The following CRHBP variants were observed in gnomAD, a reference collection of about 807,000 sequenced individuals.
The protein encoded by CRHBP is corticotropin-releasing hormone-binding protein.
CRHBP carries 19 observed loss-of-function variants against 34.9 expected under a neutral mutation model. The ratio of observed to expected loss-of-function variants is 0.55; its 90% CI spans 0.38 to 0.80. The LOEUF (loss-of-function observed/expected upper bound fraction) is 0.80. Among genes scored for constraint, CRHBP ranks in the 30% least tolerant of loss-of-function variants. CRHBP has a pLI of 0.00. For synonymous variants in CRHBP, 154 were observed against 153.4 expected (o/e 1.00, Z -0.03); for missense variants, 328 against 409.2 (o/e 0.80, Z 1.71).
At chr5:76,960,339 T>C (rs564547180) in intron 5 of CRHBP, among the ~76,000 whole-genome samples, 1 of 152,270 alleles carries the variant, frequency 6.6e-6, no homozygotes, top group African/African-American at 2.4e-5. Context: ...GCTTGCTGGA[T>C]TCCAGACATG....
Position 76,955,653 on chromosome 5 carries a change from G to A in CRHBP, c.334G>A (p.Val112Ile). ...ATCTATGTCTGTATTTTTTTCAAAG[G>A]TATTTGATGGTTGGATTCTCAAGGG... ...IDCQGGDFLK[V>I]FDGWILKGEK... The change falls in exon 4 of 7, where the codon GTA becomes ATA. Residue 112 changes from valine (V) to isoleucine (I), a missense_variant and splice_region_variant. Coordinates refer to ENST00000274368, the MANE Select transcript of CRHBP (RefSeq NM_001882.4). 1 of 1,613,222 alleles carries A rather than the reference G, an allele frequency of 6.2e-7. No homozygotes were observed. Among genetic ancestry groups the A allele is most frequent in the Non-Finnish European group, 8.5e-7 (1 of 1,179,700 alleles).
intron 6 of CRHBP, among the ~76,000 whole-genome samples, 186 bp from the exon 7 acceptor site, chr5:76,968,542 A>G (rs1186972687): frequency 6.6e-6 from 1 of 152,182 alleles, no homozygotes; most frequent in Non-Finnish European, 1.5e-5. Flanking sequence ...CTATTCTATA[A>G]CTAATTATAA....
At chr5:76,980,265 A>AG (rs1188097369) in intron 3 of CRHBP, among the ~76,000 whole-genome samples, 1 of 151,442 alleles carries the variant, frequency 6.6e-6, no homozygotes, top group Non-Finnish European at 1.5e-5. Flanking sequence ...AAAAAAAAAA[A>AG]AAAAAAAAAA....
chr5:76,968,967 TA>T lies in CRHBP; in HGVS notation c.*86del. On this transcript the variant is annotated 3_prime_UTR_variant, in exon 7 of 7. Coordinates refer to ENST00000274368, the MANE Select transcript of CRHBP (RefSeq NM_001882.4). ...TGTATGATTTTGATGCACAACTAGT[TA>T]AAAGCCTTTCATACCAGTCAGTATT... The T allele has an allele frequency of 1.3e-6, 2 of 1,507,366 alleles. No homozygotes were observed. Among genetic ancestry groups the T allele is most frequent in the Non-Finnish European group, 1.8e-6 (2 of 1,105,038 alleles). The allele number at this position is 1,507,366 out of a possible 1,614,324, so 93.4% of individuals were successfully genotyped here. A position where few individuals can be genotyped will look rare whatever the true frequency, so the allele number is the denominator to read the frequency against.
At chr5:76,972,576 C>T (rs1176835027), downstream of CRHBP, among the ~76,000 whole-genome samples, 1 of 152,180 alleles carries the variant, frequency 6.6e-6, no homozygotes, top group Admixed American at 6.5e-5. Flanking sequence ...AAGCGATCCA[C>T]CCACCTCAGC....
intron 6 of CRHBP, among the ~76,000 whole-genome samples, chr5:76,967,415 A>G (rs375720935): frequency 6.6e-6 from 1 of 152,194 alleles, no homozygotes; most frequent in African/African-American, 2.4e-5. Flanking sequence ...AAACCCAGGT[A>G]TGTGTTTGAG....
At chr5:76,961,998 C>T (rs1349935942) in intron 5 of CRHBP, among the ~76,000 whole-genome samples, 2 of 152,218 alleles carry the variant, frequency 1.3e-5, no homozygotes, top group Non-Finnish European at 2.9e-5. Flanking sequence ...AAATGATCCA[C>T]CTGCCTTGGC....
chr5:76,979,678 A>T (rs1010452781), intron 3 of CRHBP, among the ~76,000 whole-genome samples: 1 of 152,146 alleles, frequency 6.6e-6, no homozygotes, highest in Admixed American at 6.5e-5. Context: ...AGGTATGTAC[A>T]TTGTTTTAGA....
chr5:76,953,276 C>T, intron 1 of CRHBP, 61 bp downstream of exon 1: 2 of 1,496,368 alleles, frequency 1.3e-6, no homozygotes, highest in South Asian at 1.1e-5. Flanking sequence ...AGGCGGCAGG[C>T]AGGCTGCCTC....
downstream of CRHBP, among the ~76,000 whole-genome samples, chr5:76,971,105 C>T (rs1350900136): frequency 6.6e-6 from 1 of 152,044 alleles, no homozygotes; most frequent in Non-Finnish European, 1.5e-5. Flanking sequence ...ATCCATCAAG[C>T]GAGTAAAAGT....
Position 76,955,721 on chromosome 5 carries a change from T to G in CRHBP, c.402T>G (p.Ala134=). The change falls in exon 4 of 7, where the codon GCT becomes GCG. Residue 134 remains alanine (A), a synonymous_variant. Transcript: ENST00000274368. ...CCCAGGATCATCCTCTCCCCTCAGC[T>G]GAGCGGTACATAGATTTCTGTGAGA... The part of the protein sequence containing the change: ...PSSQDHPLPS[A]ERYIDFCESG... 2 of 1,614,262 alleles carry G rather than the reference T, an allele frequency of 1.2e-6. No individual in the cohort carries two copies. Among genetic ancestry groups the G allele is most frequent in the South Asian group, 2.2e-5 (2 of 91,090 alleles).
chr5:76,965,650 C>T (rs1394361717), intron 6 of CRHBP, among the ~76,000 whole-genome samples: 2 of 152,196 alleles, frequency 1.3e-5, no homozygotes, highest in South Asian at 2.1e-4. Context: ...GTCATTTTTC[C>T]GCTTGAGTGA....
At chr5:76,980,074 AC>A (rs1746094675) in intron 3 of CRHBP, among the ~76,000 whole-genome samples, 1 of 150,424 alleles carries the variant, frequency 6.6e-6, no homozygotes, top group Non-Finnish European at 1.5e-5. Flanking sequence ...ACACGGTGAA[AC>A]CCCGTCTCTA....
At position 76,978,386 on chromosome 5, in the gene CRHBP, TG is replaced by T. The variant is rs370650153; in HGVS notation, n.467+1867del. Among the ~76,000 whole-genome samples the T allele has an allele frequency of 1.5e-3, 235 of 152,334 alleles. 1 individual carries two copies. Among genetic ancestry groups the T allele is most frequent in the African/African-American group, 5.4e-3 (224 of 41,580 alleles). ...TGGTAACTTTAAGAAGCCAAGCTCA[TG>T]TACCATTCTGAAAATCCTAGGGCCC... On this transcript the variant is annotated intron_variant and non_coding_transcript_variant, in intron 3 of 3. Transcript: ENST00000514258.
chr5:76,973,449 A>G (rs536686196), downstream of CRHBP, among the ~76,000 whole-genome samples: 1 of 152,330 alleles, frequency 6.6e-6, no homozygotes, highest in South Asian at 2.1e-4. Context: ...CAAAAATACC[A>G]TGCAAATACC....
chr5:76,963,278 G>T, intron 5 of CRHBP, 65 bp from the exon 6 acceptor site: 3 of 1,352,950 alleles, frequency 2.2e-6, no homozygotes, highest in South Asian at 1.2e-5. Context: ...ACCCGCTGTT[G>T]GTCAAATGGT....
intron 2 of CRHBP, among the ~76,000 whole-genome samples, chr5:76,975,215 C>G (rs912799705): frequency 6.6e-6 from 1 of 152,186 alleles, no homozygotes; most frequent in African/African-American, 2.4e-5. Flanking sequence ...ACCAGCACAG[C>G]AGGTAGCTAC....
At chr5:76,980,701 G>A (rs1047086320) in intron 3 of CRHBP, among the ~76,000 whole-genome samples, 1 of 152,164 alleles carries the variant, frequency 6.6e-6, no homozygotes, top group South Asian at 2.1e-4. Flanking sequence ...CCGTAAGTTG[G>A]GTGGGCCTCA....
chr5:76,980,254 C>CAAAAA (rs574362034), intron 3 of CRHBP, among the ~76,000 whole-genome samples: 30 of 82,226 alleles, frequency 3.6e-4, no homozygotes, highest in Admixed American at 5.6e-4. Context: ...GACTCCGTCT[C>CAAAAA]AAAAAAAAAA....
Sources: allele counts gnomAD v4.1 joint callset (sites outside exome capture counted in the v4.1 genomes callset), GRCh38; gene constraint gnomAD v4.1.1; transcripts MANE v1.5; gene names NCBI Gene and HGNC (gene_info 2026-07-23, HGNC 2026-07-21).